Variants in SLC24A2 observed in about 807,000 individuals in gnomAD.
The protein encoded by SLC24A2 is sodium/potassium/calcium exchanger 2.
SLC24A2 carries 36 observed loss-of-function variants against 62.0 expected under a neutral mutation model. That is an observed-to-expected ratio of 0.58 (90% CI 0.44 to 0.77). SLC24A2 has a LOEUF of 0.77. Ranked by LOEUF, SLC24A2 falls within the 30% of genes least tolerant of loss-of-function variation. The probability of loss-of-function intolerance (pLI) is 0.00; values close to 1 mark genes in which losing one functional copy is unlikely to be tolerated. For synonymous variants in SLC24A2, 358 were observed against 294.0 expected, an observed-to-expected ratio of 1.22 and a Z score of -2.23; for missense variants, 846 against 817.9, an observed-to-expected ratio of 1.03 and a Z score of -0.42.
chr9:19,988,394 T>A, the SLC24A2 span, among the ~76,000 whole-genome samples: 1 of 152,178 alleles, frequency 6.6e-6, no homozygotes, highest in Non-Finnish European at 1.5e-5. Context: ...TTACTCCAGT[T>A]CACAAGGCTT....
chr9:19,869,294 T>TAA, the SLC24A2 span, among the ~76,000 whole-genome samples: 3 of 152,202 alleles, frequency 2.0e-5, no homozygotes, highest in African/African-American at 7.2e-5. Flanking sequence ...TTATGGGACT[T>TAA]ATGTCTGCTA....
rs141850112 is a variant in SLC24A2 at position 19,627,176 on chromosome 9, T to C, written c.931-4877A>G. On this transcript the variant is annotated intron_variant, in intron 2 of 10. Transcript: ENST00000341998. ...GCCCAGGGTGCAGGAGTACCCACTT[T>C]ACAATCCGGTTTAAAGAAATACACT... 5.8e-4 allele frequency among the ~76,000 whole-genome samples: 88 copies of C among 152,300 alleles called. 1 individual carries two copies. The highest frequency in any genetic ancestry group is 1.0e-3 in the Non-Finnish European group (68 of 68,018).
At chr9:19,800,438 T>C in the SLC24A2 span, among the ~76,000 whole-genome samples, 5 of 152,240 alleles carry the variant, frequency 3.3e-5, no homozygotes, top group Admixed American at 6.5e-5. Context: ...TCTGGAACTT[T>C]ATTACTTTTT....
At chr9:19,941,246 A>AC in the SLC24A2 span, among the ~76,000 whole-genome samples, 1 of 151,906 alleles carries the variant, frequency 6.6e-6, no homozygotes, top group Non-Finnish European at 1.5e-5. Context: ...ACAAATAAAA[A>AC]AAATCTGAAA....
the SLC24A2 span, among the ~76,000 whole-genome samples, chr9:19,910,913 T>C: frequency 1.3e-5 from 2 of 151,214 alleles, no homozygotes; most frequent in South Asian, 2.1e-4. Context: ...TTTTCTTTTA[T>C]TTTTTATTTT....
the SLC24A2 span, among the ~76,000 whole-genome samples, chr9:19,941,217 G>A: frequency 6.6e-6 from 1 of 150,988 alleles, no homozygotes; most frequent in African/African-American, 2.4e-5. Context: ...GCCCACCCAA[G>A]TTTTACTATG....
intron 1 of SLC24A2, chr9:19,788,450 G>A (rs1305712238): frequency 2.0e-5 from 19 of 948,546 alleles, no homozygotes; most frequent in Non-Finnish European, 2.3e-5. Context: ...GCCCCCAGCC[G>A]CGCCCCAACT....
the SLC24A2 span, among the ~76,000 whole-genome samples, chr9:19,831,371 C>G: frequency 6.6e-6 from 1 of 152,126 alleles, no homozygotes; most frequent in Non-Finnish European, 1.5e-5. Flanking sequence ...TTTTTTATAG[C>G]TCTTTTAAAA....
intron 4 of SLC24A2, among the ~76,000 whole-genome samples, chr9:19,604,279 A>G (rs1325944121): frequency 6.6e-6 from 1 of 152,146 alleles, no homozygotes; most frequent in African/African-American, 2.4e-5. Flanking sequence ...TGACTCTTGG[A>G]ATCCCCTTCA....
the SLC24A2 span, among the ~76,000 whole-genome samples, chr9:19,984,857 C>T: frequency 3.3e-5 from 5 of 152,246 alleles, no homozygotes; most frequent in Middle Eastern, 3.4e-3. Context: ...TGGACCCCTA[C>T]CTCACACCCT....
At chr9:20,212,143 A>G in the SLC24A2 span, among the ~76,000 whole-genome samples, 1 of 151,930 alleles carries the variant, frequency 6.6e-6, no homozygotes, top group African/African-American at 2.4e-5. Flanking sequence ...AAAAATATTA[A>G]ATGCATCTTC....
chr9:19,548,964 G>A (rs1382348901), intron 8 of SLC24A2, among the ~76,000 whole-genome samples: 2 of 152,182 alleles, frequency 1.3e-5, no homozygotes, highest in African/African-American at 4.8e-5. Context: ...CCTATACTAA[G>A]AAGTAGAGCT....
At chr9:19,941,590 T>TGTGTGTGTGAGAGAGA in the SLC24A2 span, among the ~76,000 whole-genome samples, 105 of 127,974 alleles carry the variant, frequency 8.2e-4, no homozygotes, top group Non-Finnish European at 1.4e-3. Flanking sequence ...TGTGTGTGTG[T>TGTGTGTGTGAGAGAGA]GAGAGAGAGA....
the SLC24A2 span, among the ~76,000 whole-genome samples, chr9:20,169,948 A>G: frequency 6.6e-6 from 1 of 152,042 alleles, no homozygotes; most frequent in Non-Finnish European, 1.5e-5. Context: ...CAAGAAGTGA[A>G]GGGATAAATA....
At chr9:20,088,601 G>A in the SLC24A2 span, among the ~76,000 whole-genome samples, 1 of 152,172 alleles carries the variant, frequency 6.6e-6, no homozygotes, top group African/African-American at 2.4e-5. Flanking sequence ...CATCTTCGCT[G>A]TTTTGCATCC....
intron 2 of SLC24A2, among the ~76,000 whole-genome samples, chr9:19,666,633 A>T (rs1448255373): frequency 6.6e-6 from 1 of 152,182 alleles, no homozygotes; most frequent in African/African-American, 2.4e-5. Flanking sequence ...GAGAGTATAT[A>T]TTTCTTTATT....
At chr9:19,941,152 G>A in the SLC24A2 span, among the ~76,000 whole-genome samples, 1 of 152,170 alleles carries the variant, frequency 6.6e-6, no homozygotes, top group African/African-American at 2.4e-5. Flanking sequence ...CAGAGTATCA[G>A]TCCCATAAAA....
chr9:19,969,183 CCACACA>C, the SLC24A2 span, among the ~76,000 whole-genome samples: 559 of 122,262 alleles, frequency 4.6e-3, 2 homozygotes, highest in Admixed American at 6.9e-3. Context: ...ACCTCCTTTG[CCACACA>C]CACACACACA....
chr9:20,165,384 G>C, the SLC24A2 span, among the ~76,000 whole-genome samples: 1 of 151,902 alleles, frequency 6.6e-6, no homozygotes, highest in Admixed American at 6.6e-5. Context: ...TATGGGTTGA[G>C]CTATGAGCCC....
Sources: allele counts gnomAD v4.1 joint callset (sites outside exome capture counted in the v4.1 genomes callset), GRCh38; gene constraint gnomAD v4.1.1; transcripts MANE v1.5; gene names NCBI Gene and HGNC (gene_info 2026-07-23, HGNC 2026-07-21).